The following PPP4R1 variants were observed in gnomAD, a reference collection of about 807,000 sequenced individuals.
PPP4R1 encodes protein phosphatase 4 regulatory subunit 1, also known as serine/threonine-protein phosphatase 4 regulatory subunit 1.
Under a neutral mutation model 111.2 loss-of-function variants are expected in PPP4R1, and 42 were observed. The ratio of observed to expected loss-of-function variants is 0.38; its 90% CI spans 0.29 to 0.49. The LOEUF (loss-of-function observed/expected upper bound fraction) is 0.49, where lower values mean the gene tolerates loss of function less well. Ranked by LOEUF, PPP4R1 falls within the 20% of genes least tolerant of loss-of-function variation. The pLI, the probability that PPP4R1 is intolerant of heterozygous loss-of-function variation, is 0.97. For synonymous variants in PPP4R1, 409 were observed against 405.5 expected, an observed-to-expected ratio of 1.01 and a Z score of -0.10; for missense variants, 1,012 against 1,161.6, an observed-to-expected ratio of 0.87 and a Z score of 1.87.
At chr18:9,605,156 C>T (rs2067457163) in intron 2 of PPP4R1, among the ~76,000 whole-genome samples, 1 of 152,122 alleles carries the variant, frequency 6.6e-6, no homozygotes, top group South Asian at 2.1e-4. Flanking sequence ...CATTTTGTTT[C>T]CCATCTTTAC....
chr18:9,554,534 C>T (rs2066540005), intron 15 of PPP4R1, among the ~76,000 whole-genome samples: 1 of 151,848 alleles, frequency 6.6e-6, no homozygotes, highest in South Asian at 2.1e-4. Flanking sequence ...GAATTGGAAG[C>T]AGTTCATAAC....
intron 4 of PPP4R1, among the ~76,000 whole-genome samples, chr18:9,593,148 A>C (rs556933834): frequency 6.6e-6 from 1 of 152,152 alleles, no homozygotes; most frequent in Non-Finnish European, 1.5e-5. Context: ...AAGTTTTAAG[A>C]TTTTTGGATG....
Position 9,570,679 on chromosome 18 carries a change from T to G in PPP4R1, c.1051A>C (p.Arg351=), listed in dbSNP as rs376338655. 124 of 1,537,824 alleles carry G rather than the reference T, an allele frequency of 8.1e-5. No individual in the cohort carries two copies. The highest frequency in any genetic ancestry group is 1.0e-4 in the Non-Finnish European group (116 of 1,146,322). ...EMSVENKNRT[R]DQEAPEDVQV... ...ACATCCTCTGGGGCTTCTTGATCTC[T>G]GGTCCTTTTATTGTTTTATTTGGTG... Residue 351 remains arginine (R), a synonymous_variant, in exon 11 of 20, where the codon AGA becomes CGA. Transcript: ENST00000400556.
Position 9,595,135 on chromosome 18 carries a change from C to T in PPP4R1, c.71G>A (p.Ser24Asn). The T allele has an allele frequency of 6.2e-7, 1 of 1,613,818 alleles. No individual in the cohort carries two copies. Among genetic ancestry groups the T allele is most frequent in the Non-Finnish European group, 8.5e-7 (1 of 1,179,826 alleles). Reference protein sequence around the residue: ...DADGFGVDDYSSESDVIIIPS... With the variant: ...DADGFGVDDYNSESDVIIIPS... ...TATAATAATCACATCAGACTCTGAG[C>T]TGTAGTCATCCACACCAACTATCAG... Residue 24 changes from serine to asparagine, a missense_variant, in exon 3 of 20, where the codon AGC (serine) becomes AAC (asparagine). Ser to Asn is a conservative substitution (Grantham distance 46, BLOSUM62 1). Transcript: ENST00000400556.
intron 2 of PPP4R1, among the ~76,000 whole-genome samples, chr18:9,605,356 C>G (rs2067460554): frequency 6.6e-6 from 1 of 152,054 alleles, no homozygotes; most frequent in Non-Finnish European, 1.5e-5. Flanking sequence ...TCAACACATT[C>G]TAACACTAAA....
rs114759216 is a variant in PPP4R1, at chr18:9,593,985, T to C, written c.189-111A>G. Reference sequence around the variant, plus strand: ...TCCTGTTGCCCAGGCCGGAGTGTAATGGTGTGATCACGGCTAACTGCAGCA... The same window carrying C: ...TCCTGTTGCCCAGGCCGGAGTGTAACGGTGTGATCACGGCTAACTGCAGCA... On this transcript the variant is annotated intron_variant, in intron 3 of 19. Coordinates refer to ENST00000400556, the MANE Select transcript of PPP4R1 (RefSeq NM_001042388.3). 1.0e-3 allele frequency: 834 copies of C among 806,090 alleles called. 8 individuals are homozygous for C. In the African/African-American group the frequency reaches 0.012, roughly 12 times the overall value. The allele number at this position is 806,090 out of a possible 1,614,324, so 49.9% of individuals were successfully genotyped here. A position where few individuals can be genotyped will look rare whatever the true frequency, so the allele number is the denominator to read the frequency against.
At chr18:9,582,481 G>GA (rs2067045456) in intron 9 of PPP4R1, among the ~76,000 whole-genome samples, 1 of 151,830 alleles carries the variant, frequency 6.6e-6, no homozygotes, top group African/African-American at 2.4e-5. Flanking sequence ...ACTGACTCAA[G>GA]AAAAAAACAC....
At chr18:9,567,168 A>T (rs2066781796) in intron 11 of PPP4R1, among the ~76,000 whole-genome samples, 1 of 152,190 alleles carries the variant, frequency 6.6e-6, no homozygotes, top group Non-Finnish European at 1.5e-5. Flanking sequence ...TCATGGGAGG[A>T]GGTCAAAATA....
rs745447546 is a variant in PPP4R1, at chr18:9,559,431, G to A, written c.2016C>T (p.Ala672=). The change falls in exon 14 of 20, where the codon GCC becomes GCT. Residue 672 remains alanine (A), a synonymous_variant. Coordinates refer to ENST00000400556, the MANE Select transcript of PPP4R1 (RefSeq NM_001042388.3). ...HCLRETYETL[A]SDMQWKVRRT... ...CTGCTTTACTCACCTGCATGTCTGA[G>A]GCCAGAGTCTCATACGTCTCTCTCA... is the stretch of plus-strand genomic sequence containing the variant. The A allele has an allele frequency of 6.2e-7, 1 of 1,610,668 alleles. No individual in the cohort carries two copies. Among genetic ancestry groups the A allele is most frequent in the Admixed American group, 1.7e-5 (1 of 59,690 alleles).
chr18:9,561,045 C>T (rs1471019352), intron 13 of PPP4R1, among the ~76,000 whole-genome samples: 1 of 151,284 alleles, frequency 6.6e-6, no homozygotes, highest in South Asian at 2.1e-4. Context: ...CGGCGAAACA[C>T]TGTCTCTACT....
chr18:9,570,527 T>C lies in PPP4R1; in HGVS notation c.1203A>G (p.Pro401=), dbSNP rs1366331326. Residue 401 remains proline (P), a synonymous_variant, in exon 11 of 20, where the codon CCA becomes CCG. Transcript: ENST00000400556. ...SGKPLGEISV[P]LDSSLLCTLS... The stretch of plus-strand genomic sequence containing the variant: ...AAGTACAAAGTAAAGAGCTGTCCAG[T>C]GGAACACTAATTTCACCTAGAGGCT... 1.2e-6 allele frequency: 2 copies of C among 1,614,082 alleles called. No individual in the cohort carries two copies. The highest frequency in any genetic ancestry group is 1.1e-5 in the South Asian group (1 of 91,090).
chr18:9,593,921 T>C, intron 3 of PPP4R1, 47 bp from the exon 4 acceptor site: 1 of 1,455,690 alleles, frequency 6.9e-7, no homozygotes, highest in East Asian at 2.3e-5. Flanking sequence ...CATCAATAGC[T>C]AATATCCAGA....
intron 15 of PPP4R1, among the ~76,000 whole-genome samples, chr18:9,554,189 G>A (rs568500925): frequency 1.1e-4 from 17 of 151,092 alleles, no homozygotes; most frequent in East Asian, 3.9e-4. Flanking sequence ...GTGCAGTGGC[G>A]GGATCTCGGC....
In PPP4R1 at chr18:9,614,306, G is replaced by T; in HGVS notation, c.8-36C>A. ...GGGAGAGAAGAAAGGCCCGGTCAGC[G>T]CCCCGGGGCCCGGCGCGACGCCCCC... On this transcript the variant is annotated intron_variant, in intron 1 of 19. Coordinates refer to ENST00000400556, the MANE Select transcript of PPP4R1 (RefSeq NM_001042388.3). The surrounding 1 kb of genome is among the most constrained non-coding windows in gnomAD (Gnocchi z 4.1). 1 of 1,200,646 alleles carries T rather than the reference G, an allele frequency of 8.3e-7. No individual in the cohort carries two copies. The highest frequency in any genetic ancestry group is 1.0e-6 in the Non-Finnish European group (1 of 958,522). The allele number at this position is 1,200,646 out of a possible 1,614,324, so 74.4% of individuals were successfully genotyped here. A position where few individuals can be genotyped will look rare whatever the true frequency, so the allele number is the denominator to read the frequency against.
chr18:9,552,320 G>C (rs563716743), intron 16 of PPP4R1, among the ~76,000 whole-genome samples: 1 of 152,158 alleles, frequency 6.6e-6, no homozygotes, highest in Non-Finnish European at 1.5e-5. Context: ...AGTCATTAGG[G>C]AAATGCAAAT....
chr18:9,569,078 C>G (rs556560221), intron 11 of PPP4R1, among the ~76,000 whole-genome samples: 2 of 151,410 alleles, frequency 1.3e-5, no homozygotes, highest in African/African-American at 4.8e-5. Context: ...TGCCTGTAAT[C>G]CCAGCTACTC....
At chr18:9,564,710 G>GTC (rs2066733355) in intron 11 of PPP4R1, among the ~76,000 whole-genome samples, 3 of 50,836 alleles carry the variant, frequency 5.9e-5, no homozygotes, top group African/African-American at 2.2e-4. Context: ...GTGTGTGTGT[G>GTC]TGTGTGTGTG....
At chr18:9,563,269 CAACA>C (rs2066707022) in intron 12 of PPP4R1, 105 bp downstream of exon 12, 2 of 1,329,938 alleles carry the variant, frequency 1.5e-6, no homozygotes, top group Non-Finnish European at 2.0e-6. Flanking sequence ...AAAAAATCAG[CAACA>C]AACAGAACAT....
chr18:9,567,231 G>C (rs552595515), intron 11 of PPP4R1, among the ~76,000 whole-genome samples: 12 of 152,336 alleles, frequency 7.9e-5, no homozygotes, highest in African/African-American at 4.8e-5. Flanking sequence ...ATAAATGACT[G>C]AAGGATTCAA....
Sources: allele counts gnomAD v4.1 joint callset (sites outside exome capture counted in the v4.1 genomes callset), GRCh38; gene constraint gnomAD v4.1.1; non-coding constraint Gnocchi (gnomAD v3.1); transcripts MANE v1.5; gene names NCBI Gene and HGNC (gene_info 2026-07-23, HGNC 2026-07-21).